ASMT: variants seen among roughly 807,000 people sequenced by gnomAD.
ASMT encodes acetylserotonin O-methyltransferase.
A neutral mutation model predicts 41.3 loss-of-function variants in ASMT; 53 were observed. The ratio of observed to expected loss-of-function variants is 1.28; its 90% CI spans 1.03 to 1.61. ASMT has a LOEUF of 1.61. ASMT is among the 40% of genes most tolerant of loss of function. ASMT has a pLI of 0.00. For synonymous variants in ASMT, 231 were observed against 184.8 expected (o/e 1.25, Z -2.03); for missense variants, 531 against 441.3 (o/e 1.20, Z -1.82).
At chrX:1,622,829 G>A (rs1438765295) in intron 1 of ASMT, among the ~76,000 whole-genome samples, 22 of 151,564 alleles carry the variant, frequency 1.5e-4, no homozygotes, top group Non-Finnish European at 2.7e-4. Context: ...GGAGAATGGT[G>A]TGAAGCCGGG....
intron 1 of ASMT, among the ~76,000 whole-genome samples, chrX:1,617,669 G>A (rs1329543647): frequency 6.0e-5 from 9 of 150,774 alleles, no homozygotes; most frequent in South Asian, 4.2e-4. Flanking sequence ...AGGCTGGAGC[G>A]CAGTGGCGCT....
At chrX:1,619,970 G>A (rs1224558777) in intron 1 of ASMT, among the ~76,000 whole-genome samples, 1 of 151,026 alleles carries the variant, frequency 6.6e-6, no homozygotes, top group Non-Finnish European at 1.5e-5. Flanking sequence ...GTGGGCGCCT[G>A]TAGTTTCAGC....
In ASMT at chrX:1,642,951, C is replaced by T. The variant is rs2149476910; in HGVS notation, c.1059C>T (p.Gly353=). The stretch of plus-strand genomic sequence containing the variant: ...ACCACATGCTCCTCTCTTCTGCTGG[C>T]TTCAGAGACTTCCAGTTTAAGAAAA... ...THYHMLLSSA[G]FRDFQFKKTG... The change falls in exon 9 of 9, where the codon GGC becomes GGT. Residue 353 remains glycine, a synonymous_variant. Transcript: ENST00000381241. 1 of 1,613,966 alleles carries T rather than the reference C, an allele frequency of 6.2e-7. No individual in the cohort carries two copies. The highest frequency in any genetic ancestry group is 2.2e-5 in the East Asian group (1 of 44,886).
intron 1 of ASMT, among the ~76,000 whole-genome samples, chrX:1,616,080 G>C (rs750841471): frequency 3.3e-5 from 5 of 151,604 alleles, no homozygotes; most frequent in Admixed American, 2.6e-4. Context: ...CCAGGCTGGA[G>C]TGCAGTGGCA....
In ASMT at chrX:1,633,642, A is replaced by ATTTTT. The variant is rs35471677; in HGVS notation, c.787+363_787+367dup. 2.2e-3 allele frequency among the ~76,000 whole-genome samples: 290 copies of ATTTTT among 131,650 alleles called. 6 individuals are homozygous for ATTTTT. Among genetic ancestry groups the ATTTTT allele is most frequent in the African/African-American group, 5.7e-3 (196 of 34,542 alleles). 86.4% of individuals were successfully genotyped at this position (131,650 alleles called of 152,430 possible). A position where few individuals can be genotyped will look rare whatever the true frequency, so the allele number is the denominator to read the frequency against. On this transcript the variant is annotated intron_variant, in intron 7 of 8. Coordinates refer to ENST00000381241, the MANE Select transcript of ASMT (RefSeq NM_001171038.2). ...AGGCATGCGCCACCACATCCAGCTAATTTTTTTTTTTTTTTGAGATGGAGT... is the reference window on the plus strand; with the variant it reads ...AGGCATGCGCCACCACATCCAGCTAATTTTTTTTTTTTTTTTTTTTGAGATGGAGT...
At chrX:1,631,868 T>A (rs868261632) in intron 5 of ASMT, among the ~76,000 whole-genome samples, 2 of 151,518 alleles carry the variant, frequency 1.3e-5, no homozygotes, top group Admixed American at 1.3e-4. Context: ...ACCAACGGGG[T>A]GAAACCCGGT....
chrX:1,616,988 G>A (rs1366821761), intron 1 of ASMT, among the ~76,000 whole-genome samples: 116 of 152,114 alleles, frequency 7.6e-4, no homozygotes, highest in Non-Finnish European at 1.3e-3. Context: ...GATTACAGGC[G>A]TGAGCCACTG....
At chrX:1,629,590 A>T (rs1422806953) in intron 4 of ASMT, among the ~76,000 whole-genome samples, 1 of 152,178 alleles carries the variant, frequency 6.6e-6, no homozygotes, top group African/African-American at 2.4e-5. Context: ...CCATCCAGAG[A>T]ACAATCGTCC....
rs775384287 is a variant in ASMT, at chrX:1,636,455, C to A, written c.805C>A (p.Pro269Thr). The change falls in exon 8 of 9, where the codon CCT becomes ACT. Residue 269 changes from proline (P) to threonine (T), a missense_variant. Pro to Thr is a conservative substitution (Grantham distance 38, BLOSUM62 -1). Transcript: ENST00000381241. ...TGTTCCAGGGGATTTCTTCAAAGAC[C>A]CTCTTCCGGAAGCTGATCTGTACAT... The part of the protein sequence containing the change: ...DFQEGDFFKD[P>T]LPEADLYILA... 6.2e-7 allele frequency: 1 copy of A among 1,613,850 alleles called. No homozygotes were observed. The highest frequency in any genetic ancestry group is 2.2e-5 in the East Asian group (1 of 44,880).
In ASMT at chrX:1,635,709, A is replaced by T. The variant is rs1488941670; in HGVS notation, c.788-729A>T. Among the ~76,000 whole-genome samples, 2 of 151,720 alleles carry T rather than the reference A, an allele frequency of 1.3e-5. 1 individual carries two copies. The highest frequency in any genetic ancestry group is 2.9e-5 in the Non-Finnish European group (2 of 67,958). ...AAATCCCATCTCTACTAAAAATACA[A>T]AAATTAGCCGGGCGTGGTGGCGGGT... On this transcript the variant is annotated intron_variant, in intron 7 of 8. Coordinates refer to ENST00000381241, the MANE Select transcript of ASMT (RefSeq NM_001171038.2).
intron 8 of ASMT, among the ~76,000 whole-genome samples, chrX:1,641,430 A>G (rs1935155324): frequency 6.7e-6 from 1 of 148,328 alleles, no homozygotes; most frequent in South Asian, 2.1e-4. Context: ...ATGTGGACAC[A>G]GCCGCTCTGT....
Position 1,624,409 on chromosome X carries a change from C to T in ASMT, c.374+11C>T. 1 of 1,608,328 alleles carries T rather than the reference C, an allele frequency of 6.2e-7. No homozygotes were observed. Among genetic ancestry groups the T allele is most frequent in the South Asian group, 1.1e-5 (1 of 90,870 alleles). On this transcript the variant is annotated intron_variant, in intron 3 of 8. Coordinates refer to ENST00000381241, the MANE Select transcript of ASMT (RefSeq NM_001171038.2). ...GGCAGACGCCGTGAGGTGGGGGCTG[C>T]CCCCAGGCAGATGCTGGGAGGTGGT...
At chrX:1,636,615 A>G (rs1384351599) in intron 8 of ASMT, 55 bp downstream of exon 8, 3 of 1,613,066 alleles carry the variant, frequency 1.9e-6, no homozygotes, top group Non-Finnish European at 2.5e-6. Context: ...GCAGAATTGT[A>G]CGAGTCACAT....
At chrX:1,622,998 CAA>C (rs372723318) in intron 1 of ASMT, 139 bp from the exon 2 acceptor site, 50 of 588,990 alleles carry the variant, frequency 8.5e-5, no homozygotes, top group Middle Eastern at 5.1e-4. Flanking sequence ...GACTCTGTCT[CAA>C]AAAAAAAAAT....
At chrX:1,631,136 G>A (rs1300913869) in intron 5 of ASMT, among the ~76,000 whole-genome samples, 3 of 151,048 alleles carry the variant, frequency 2.0e-5, no homozygotes, top group South Asian at 2.1e-4. Flanking sequence ...GGATGGTCTC[G>A]ATCTCCTGAC....
intron 6 of ASMT, 47 bp from the exon 7 acceptor site, chrX:1,633,103 C>A: frequency 6.2e-7 from 1 of 1,613,224 alleles, no homozygotes; most frequent in Non-Finnish European, 8.5e-7. Flanking sequence ...TGAGCGATGT[C>A]TCTCAGGTTC....
chrX:1,623,456 G>A lies in ASMT; in HGVS notation c.244+143G>A, dbSNP rs780729159. The A allele has an allele frequency of 1.1e-4, 115 of 1,065,828 alleles. 1 individual carries two copies. In the African/African-American group the frequency reaches 1.5e-3, roughly 13 times the overall value. 66.0% of individuals were successfully genotyped at this position (1,065,828 alleles called of 1,614,324 possible). A position where few individuals can be genotyped will look rare whatever the true frequency, so the allele number is the denominator to read the frequency against. ...CTAAAAAAAATACAAAAAATTAGCC[G>A]GGTGTGGTGGCGTGCACCTGTCATC... is the stretch of plus-strand genomic sequence containing the variant. On this transcript the variant is annotated intron_variant, in intron 2 of 8. Transcript: ENST00000381241.
intron 8 of ASMT, 101 bp downstream of exon 8, chrX:1,636,661 G>A: frequency 1.3e-6 from 2 of 1,581,876 alleles, no homozygotes; most frequent in South Asian, 2.2e-5. Flanking sequence ...CCACAGGTAA[G>A]GGTAGACATC....
chrX:1,629,645 T>C (rs1934694319), intron 4 of ASMT, among the ~76,000 whole-genome samples, 176 bp from the exon 5 acceptor site: 1 of 152,202 alleles, frequency 6.6e-6, no homozygotes, highest in Non-Finnish European at 1.5e-5. Context: ...TACACTTTGC[T>C]GGCTGACCTA....
Sources: gnomAD v4.1 joint callset for allele counts (sites outside exome capture counted in the v4.1 genomes callset) on GRCh38, gnomAD v4.1.1 for gene constraint, MANE v1.5 for transcripts, NCBI Gene and HGNC (gene_info 2026-07-23, HGNC 2026-07-21) for gene names.